The following ARMH4 variants were observed in gnomAD, a reference collection of about 807,000 sequenced individuals.
The protein encoded by ARMH4 is armadillo like helical domain containing 4.
ARMH4 carries 49 observed loss-of-function variants against 61.9 expected under a neutral mutation model. The observed-to-expected ratio is 0.79, with a 90% CI of 0.63 to 1.00. ARMH4 has a LOEUF of 1.00. ARMH4 is among the 50% of genes least tolerant of loss of function. The pLI is 0.00. For synonymous variants in ARMH4, 368 were observed against 341.5 expected (o/e 1.08, Z -0.85); for missense variants, 934 against 930.0 (o/e 1.00, Z -0.06).
intron 5 of ARMH4, among the ~76,000 whole-genome samples, chr14:58,061,563 A>T (rs1022632803): frequency 2.0e-5 from 3 of 152,224 alleles, no homozygotes; most frequent in Non-Finnish European, 4.4e-5. Flanking sequence ...TCAAGAAAGG[A>T]TATTTCTGAG....
chr14:58,093,757 T>C (rs10144556), intron 5 of ARMH4, among the ~76,000 whole-genome samples: 76,223 of 151,946 alleles, frequency 0.5, 19,392 homozygotes, highest in Middle Eastern at 0.52. Context: ...GGTGGGCTAA[T>C]AAAATTCTAG....
chr14:58,049,458 A>G (rs1313501524), intron 5 of ARMH4, among the ~76,000 whole-genome samples: 1 of 152,220 alleles, frequency 6.6e-6, no homozygotes, highest in Non-Finnish European at 1.5e-5. Context: ...TTAGGTTACA[A>G]AGTAAAAACA....
At chr14:58,062,748 A>T (rs1884572284) in intron 5 of ARMH4, among the ~76,000 whole-genome samples, 1 of 152,256 alleles carries the variant, frequency 6.6e-6, no homozygotes, top group South Asian at 2.1e-4. Flanking sequence ...GCCTAAGGGC[A>T]TACAGCTAGC....
At chr14:58,056,786 T>C (rs1361707263) in intron 5 of ARMH4, among the ~76,000 whole-genome samples, 1 of 152,208 alleles carries the variant, frequency 6.6e-6, no homozygotes, top group African/African-American at 2.4e-5. Flanking sequence ...CATTCTCCCC[T>C]TTTTCTGTAA....
Position 58,070,678 on chromosome 14 carries a change from T to C in ARMH4, c.2089+26046A>G, listed in dbSNP as rs117687049. Among the ~76,000 whole-genome samples the C allele has an allele frequency of 8.1e-4, 123 of 152,312 alleles. 2 individuals are homozygous for C. The East Asian group carries it at 0.016, about 20-fold the overall frequency. On this transcript the variant is annotated intron_variant, in intron 5 of 7. Coordinates refer to ENST00000267485, the MANE Select transcript of ARMH4 (RefSeq NM_001001872.4). ...ATTATGGAGAAGAATGGGGTATCCA[T>C]CCCCTCAAGCTTTTATCCTTTGAGT...
intron 5 of ARMH4, among the ~76,000 whole-genome samples, chr14:58,059,823 G>A (rs1298911110): frequency 6.6e-6 from 1 of 152,154 alleles, no homozygotes; most frequent in African/African-American, 2.4e-5. Flanking sequence ...TTCGATGTGT[G>A]CAGCATACAA....
chr14:58,077,639 T>G (rs568294521), intron 5 of ARMH4, among the ~76,000 whole-genome samples: 15 of 152,114 alleles, frequency 9.9e-5, no homozygotes, highest in Admixed American at 2.0e-4. Context: ...CAAGAGTGGA[T>G]GCACTGGCTG....
At chr14:58,040,608 A>G (rs918071353) in intron 5 of ARMH4, among the ~76,000 whole-genome samples, 1 of 152,216 alleles carries the variant, frequency 6.6e-6, no homozygotes. Context: ...TATTGTGAAT[A>G]GTGCTGCAAT....
rs146569709 is a variant in ARMH4, at chr14:58,103,567, A to G, written c.1832-6586T>C. Among the ~76,000 whole-genome samples, 1,042 of 150,816 alleles carry G rather than the reference A, an allele frequency of 6.9e-3. 10 individuals carry two copies. The highest frequency in any genetic ancestry group is 0.024 in the African/African-American group (993 of 41,048). On this transcript the variant is annotated intron_variant, in intron 4 of 7. Coordinates refer to ENST00000267485, the MANE Select transcript of ARMH4 (RefSeq NM_001001872.4). ...TAAAAACTTTGTGGACCTTCCTCCT[A>G]TAAACAGGAACTGTCCAAAAAGAGC...
At chr14:58,130,009 T>C (rs1887033652) in intron 4 of ARMH4, among the ~76,000 whole-genome samples, 1 of 152,194 alleles carries the variant, frequency 6.6e-6, no homozygotes, top group South Asian at 2.1e-4. Flanking sequence ...ACAACTGCCA[T>C]CATCTACTAA....
intron 5 of ARMH4, among the ~76,000 whole-genome samples, chr14:58,056,271 T>C (rs1884346053): frequency 6.6e-6 from 1 of 152,242 alleles, no homozygotes; most frequent in South Asian, 2.1e-4. Context: ...AAAATCATTC[T>C]GCAGTACTTC....
At chr14:58,017,386 A>C (rs956719393) in intron 5 of ARMH4, among the ~76,000 whole-genome samples, 2 of 152,210 alleles carry the variant, frequency 1.3e-5, no homozygotes, top group East Asian at 3.8e-4. Flanking sequence ...AAAAATGTAA[A>C]ACTAAAAACT....
chr14:58,048,979 T>A (rs1352913579), intron 5 of ARMH4, among the ~76,000 whole-genome samples: 2 of 152,122 alleles, frequency 1.3e-5, no homozygotes, highest in African/African-American at 4.8e-5. Context: ...GGCTCATGCC[T>A]GTAATCCCAG....
chr14:58,049,356 A>G lies in ARMH4; in HGVS notation c.2090-37206T>C, dbSNP rs141238194. Among the ~76,000 whole-genome samples the G allele has an allele frequency of 1.7e-3, 260 of 152,310 alleles. 2 individuals carry two copies. The highest frequency in any genetic ancestry group is 6.0e-3 in the African/African-American group (250 of 41,554). ...AAAATGTCATAATCATAGATTCTCA[A>G]TTGCACATTATTTTCAAAGATACTG... On this transcript the variant is annotated intron_variant, in intron 5 of 7. Transcript: ENST00000267485.
At position 58,138,316 on chromosome 14, in the gene ARMH4, A is replaced by G; in HGVS notation, c.1043T>C (p.Val348Ala). Residue 348 changes from valine (V) to alanine (A), a missense_variant, in exon 2 of 8, where the codon GTA becomes GCA. Val to Ala is a moderately conservative substitution (Grantham distance 64, BLOSUM62 0). Coordinates refer to ENST00000267485, the MANE Select transcript of ARMH4 (RefSeq NM_001001872.4). ...GCCTCCTTCCATACCCTCATGGCTT[A>G]CTTGTGCTGTCTGAGACATCTCCGT... ...VRTEMSQTAQ[V>A]SHEGMEGGQP... is the part of the protein sequence containing the mutation. 6.2e-7 allele frequency: 1 copy of G among 1,614,106 alleles called. No individual in the cohort carries two copies. The highest frequency in any genetic ancestry group is 1.1e-5 in the South Asian group (1 of 91,068).
rs1882012024 is a variant in ARMH4 at position 58,002,341 on chromosome 14, A to G, written c.*2395T>C. On this transcript the variant is annotated 3_prime_UTR_variant, in exon 8 of 8. Transcript: ENST00000267485. ...TCCAGATGTTTAAATGGGTTTGTAC[A>G]GAAATGTACTCTAAGTATAATCTTT... 6.6e-6 allele frequency: 1 copy of G among 152,224 alleles called. No homozygotes were observed. Among genetic ancestry groups the G allele is most frequent in the South Asian group, 2.1e-4 (1 of 4,830 alleles). 9.4% of individuals were successfully genotyped at this position (152,224 alleles called of 1,614,324 possible).
chr14:58,081,346 T>C (rs1343295204), intron 5 of ARMH4, among the ~76,000 whole-genome samples: 2 of 152,072 alleles, frequency 1.3e-5, no homozygotes, highest in African/African-American at 4.8e-5. Flanking sequence ...TGCACATTAA[T>C]GGTCAACACT....
rs2139981906 is a variant in ARMH4 at position 58,139,300 on chromosome 14, C to T, written c.59G>A (p.Ser20Asn). 1.2e-6 allele frequency: 2 copies of T among 1,614,152 alleles called. No individual in the cohort carries two copies. The highest frequency in any genetic ancestry group is 1.7e-6 in the Non-Finnish European group (2 of 1,180,038). The change falls in exon 2 of 8, where the codon AGC becomes AAC. Residue 20 changes from serine to asparagine, a missense_variant. Transcript: ENST00000267485. ...GAAGGCCAGACATTGTGTGGCAACG[C>T]TGAAAAGCAGAAGGCTACAGAAAGC... Reference protein sequence around the residue: ...CLAFCSLLLFSVATQCLAFPK... With the variant: ...CLAFCSLLLFNVATQCLAFPK...
At chr14:58,014,028 A>G (rs78870987) in intron 5 of ARMH4, among the ~76,000 whole-genome samples, 6 of 150,222 alleles carry the variant, frequency 4.0e-5, no homozygotes, top group South Asian at 2.1e-4. Flanking sequence ...CATCTCAAAA[A>G]AAAGAAAGAA....
Sources: allele counts gnomAD v4.1 joint callset (sites outside exome capture counted in the v4.1 genomes callset), GRCh38; gene constraint gnomAD v4.1.1; transcripts MANE v1.5; gene names NCBI Gene and HGNC (gene_info 2026-07-23, HGNC 2026-07-21).